Variants in NRG3 observed in about 807,000 individuals in gnomAD.
NRG3 encodes the protein neuregulin 3, also known as pro-neuregulin-3, membrane-bound isoform.
NRG3 carries 31 observed loss-of-function variants against 66.9 expected under a neutral mutation model. That is an observed-to-expected ratio of 0.46 (90% CI 0.35 to 0.63). NRG3 has a LOEUF of 0.63. Among genes scored for constraint, NRG3 ranks in the 20% least tolerant of loss-of-function variants. The pLI, the probability that NRG3 is intolerant of heterozygous loss-of-function variation, is 0.00. For synonymous variants in NRG3, 393 were observed against 359.4 expected, an observed-to-expected ratio of 1.09 and a Z score of -1.06; for missense variants, 910 against 878.9, an observed-to-expected ratio of 1.04 and a Z score of -0.45.
chr10:82,262,628 C>A (rs903579339), intron 1 of NRG3, among the ~76,000 whole-genome samples: 21 of 152,172 alleles, frequency 1.4e-4, no homozygotes, highest in Admixed American at 1.4e-3. Flanking sequence ...AGGTCTGATA[C>A]ATGCAGCATC....
chr10:82,115,904 G>T (rs1245596208), intron 1 of NRG3, among the ~76,000 whole-genome samples: 1 of 152,078 alleles, frequency 6.6e-6, no homozygotes, highest in East Asian at 1.9e-4. Flanking sequence ...CTCCTACATG[G>T]ATGGAGACTC....
chr10:82,626,043 G>A (rs2049395833), intron 2 of NRG3, among the ~76,000 whole-genome samples: 1 of 152,126 alleles, frequency 6.6e-6, no homozygotes, highest in Non-Finnish European at 1.5e-5. Context: ...ATAGAGCTGA[G>A]TCTGTGATGA....
At chr10:81,932,509 G>A (rs1430507606) in intron 1 of NRG3, among the ~76,000 whole-genome samples, 1 of 152,096 alleles carries the variant, frequency 6.6e-6, no homozygotes, top group Non-Finnish European at 1.5e-5. Context: ...AACCATTTCT[G>A]AATTTACTTT....
chr10:82,786,838 T>C (rs1211438271), intron 3 of NRG3, among the ~76,000 whole-genome samples: 4 of 152,056 alleles, frequency 2.6e-5, no homozygotes, highest in African/African-American at 9.7e-5. Context: ...CAGGAGTGGG[T>C]TAGTTGTCAT....
At chr10:82,772,704 C>CTTTTTTTTTTTTTTTTTTTTTTTTTTTT (rs745609399) in intron 3 of NRG3, among the ~76,000 whole-genome samples, 1 of 111,730 alleles carries the variant, frequency 9.0e-6, no homozygotes, top group African/African-American at 3.7e-5. Context: ...GCTTCCATAT[C>CTTTTTTTTTTTTTTTTTTTTTTTTTTTT]TTTTTTTTTT....
intron 3 of NRG3, among the ~76,000 whole-genome samples, chr10:82,821,754 A>AT (rs1338052303): frequency 6.6e-6 from 1 of 152,092 alleles, no homozygotes; most frequent in Non-Finnish European, 1.5e-5. Flanking sequence ...CCCTGACTAC[A>AT]TTTTCCCATT....
chr10:82,614,125 C>G (rs2048488255), intron 2 of NRG3, among the ~76,000 whole-genome samples: 1 of 151,890 alleles, frequency 6.6e-6, no homozygotes. Context: ...GTCTCAAACT[C>G]CTGACCTTGT....
At chr10:82,297,272 T>C (rs1165329810) in intron 1 of NRG3, among the ~76,000 whole-genome samples, 5 of 36,916 alleles carry the variant, frequency 1.4e-4, no homozygotes, top group Admixed American at 4.9e-4. Flanking sequence ...TGATAAAACA[T>C]TTTTTTTTTT....
At chr10:82,719,656 T>C (rs2057179535) in intron 2 of NRG3, among the ~76,000 whole-genome samples, 1 of 152,176 alleles carries the variant, frequency 6.6e-6, no homozygotes. Context: ...ATAGACCCAT[T>C]GGTTTTACTT....
At chr10:82,950,817 G>A (rs1849453090) in intron 4 of NRG3, among the ~76,000 whole-genome samples, 1 of 152,230 alleles carries the variant, frequency 6.6e-6, no homozygotes, top group African/African-American at 2.4e-5. Context: ...AGTGGCTACA[G>A]AGTGAAATGT....
intron 2 of NRG3, among the ~76,000 whole-genome samples, chr10:82,524,907 T>C (rs1846540756): frequency 1.3e-5 from 2 of 151,992 alleles, no homozygotes; most frequent in East Asian, 1.9e-4. Context: ...GTGTTTTCGC[T>C]GTAATTTTAT....
At chr10:82,957,002 G>A (rs1371688309) in intron 5 of NRG3, among the ~76,000 whole-genome samples, 1 of 151,888 alleles carries the variant, frequency 6.6e-6, no homozygotes, top group Non-Finnish European at 1.5e-5. Flanking sequence ...ATTCAAAATG[G>A]GTAATGAAGC....
intron 3 of NRG3, among the ~76,000 whole-genome samples, chr10:82,809,139 A>G (rs2061397900): frequency 6.6e-6 from 1 of 152,178 alleles, no homozygotes; most frequent in African/African-American, 2.4e-5. Context: ...ATGAGAAGCC[A>G]TTAAAGAGCC....
chr10:82,317,578 A>G (rs2081360520), intron 1 of NRG3, among the ~76,000 whole-genome samples: 1 of 151,912 alleles, frequency 6.6e-6, no homozygotes, highest in African/African-American at 2.4e-5. Flanking sequence ...GATTATCACA[A>G]TTTTCTCCTA....
chr10:82,064,264 A>AC (rs2064321620), intron 1 of NRG3, among the ~76,000 whole-genome samples: 1 of 152,142 alleles, frequency 6.6e-6, no homozygotes, highest in South Asian at 2.1e-4. Context: ...TCATTCTAGT[A>AC]CCATGGAGAT....
rs11192109 is a variant in NRG3 at position 81,996,213 on chromosome 10, A to G, written c.823+120050A>G. Among the ~76,000 whole-genome samples the G allele has an allele frequency of 1.4e-3, 212 of 152,304 alleles. 5 individuals are homozygous for G. The East Asian group carries it at 0.031, about 22-fold the overall frequency. On this transcript the variant is annotated intron_variant, in intron 1 of 8. Coordinates refer to ENST00000372141, the MANE Select transcript of NRG3 (RefSeq NM_001010848.4). Reference sequence around the variant, plus strand: ...GAATATTTGTCAGAACATTCTGTCTATTGTTTAAAGGCATTGGTGTAATGT... The same window carrying G: ...GAATATTTGTCAGAACATTCTGTCTGTTGTTTAAAGGCATTGGTGTAATGT...
chr10:82,834,846 G>C (rs1053797662), intron 3 of NRG3, among the ~76,000 whole-genome samples: 1 of 152,324 alleles, frequency 6.6e-6, no homozygotes, highest in East Asian at 1.9e-4. Context: ...GCAGCAAGCT[G>C]CTTAGGTAGG....
chr10:82,485,654 G>T (rs1239619128), intron 2 of NRG3, among the ~76,000 whole-genome samples: 1 of 151,880 alleles, frequency 6.6e-6, no homozygotes, highest in East Asian at 1.9e-4. Flanking sequence ...TTGGGAAAAT[G>T]TCTGGAAAGA....
chr10:81,896,849 G>A (rs2132614871), intron 1 of NRG3, among the ~76,000 whole-genome samples: 1 of 152,212 alleles, frequency 6.6e-6, no homozygotes, highest in African/African-American at 2.4e-5. Flanking sequence ...GCCAGATGCT[G>A]TTTTAGGCAC....
Sources: allele counts gnomAD v4.1 joint callset (sites outside exome capture counted in the v4.1 genomes callset), GRCh38; gene constraint gnomAD v4.1.1; transcripts MANE v1.5; gene names NCBI Gene and HGNC (gene_info 2026-07-23, HGNC 2026-07-21).